The following NDUFAF6 variants were observed in gnomAD, a reference collection of about 807,000 sequenced individuals.
The protein encoded by NDUFAF6 is NADH:ubiquinone oxidoreductase complex assembly factor 6.
In NDUFAF6, 45 loss-of-function variants were observed where a neutral mutation model predicts 40.8. The ratio of observed to expected loss-of-function variants is 1.10; its 90% confidence interval spans 0.87 to 1.42. The LOEUF is 1.42. Ranked by LOEUF, NDUFAF6 falls within the 40% of genes most tolerant of loss-of-function variation. The pLI is 0.00. For synonymous variants in NDUFAF6, 185 were observed against 155.9 expected (o/e 1.19, Z -1.39); for missense variants, 435 against 418.5 (o/e 1.04, Z -0.34).
intron 1 of NDUFAF6, among the ~76,000 whole-genome samples, chr8:94,902,623 A>G (rs1818098410): frequency 6.6e-6 from 1 of 150,868 alleles, no homozygotes; most frequent in African/African-American, 2.4e-5. Context: ...TTTTTTAATT[A>G]TTAGCTATTG....
chr8:95,046,041 A>ATTTTTTTTTT (rs1276572622), intron 5 of NDUFAF6, among the ~76,000 whole-genome samples: 3 of 151,234 alleles, frequency 2.0e-5, no homozygotes, highest in African/African-American at 7.3e-5. Context: ...CATTTATTTT[A>ATTTTTTTTTT]TTTTATTTTA....
chr8:95,051,635 C>T (rs546265054), intron 7 of NDUFAF6, among the ~76,000 whole-genome samples: 2 of 151,916 alleles, frequency 1.3e-5, no homozygotes, highest in African/African-American at 4.8e-5. Flanking sequence ...GTTGGATGGA[C>T]GAGGTTAGAG....
At chr8:95,085,865 G>A (rs147079649) in intron 2 of NDUFAF6, among the ~76,000 whole-genome samples, 89 of 152,144 alleles carry the variant, frequency 5.8e-4, no homozygotes, top group African/African-American at 2.0e-3. Context: ...TTAGGGATGG[G>A]GCTTTATTAA....
At position 95,052,207 on chromosome 8, in the gene NDUFAF6, G is replaced by C; in HGVS notation, c.850G>C (p.Ala284Pro). Residue 284 changes from alanine to proline, a missense_variant, in exon 8 of 9, where the codon GCA becomes CCA. Transcript: ENST00000396124. Reference sequence around the variant, plus strand: ...CTTTCACAAAACTGTTCCTGTGAAAGCATTTCCTGCTTTTCTTCAGACGGT... The same window carrying C: ...CTTTCACAAAACTGTTCCTGTGAAACCATTTCCTGCTTTTCTTCAGACGGT... The part of the protein sequence containing the change: ...RSFHKTVPVK[A>P]FPAFLQTVSL... The C allele has an allele frequency of 6.2e-7, 1 of 1,614,090 alleles. No individual in the cohort carries two copies. The highest frequency in any genetic ancestry group is 1.1e-5 in the South Asian group (1 of 91,076).
At chr8:94,932,939 G>A (rs935138489) in intron 1 of NDUFAF6, among the ~76,000 whole-genome samples, 11 of 152,178 alleles carry the variant, frequency 7.2e-5, no homozygotes, top group African/African-American at 2.7e-4. Context: ...CATTCTGGCC[G>A]AGCACAATGG....
At chr8:95,054,264 T>G (rs1048151464) in intron 8 of NDUFAF6, among the ~76,000 whole-genome samples, 1 of 151,436 alleles carries the variant, frequency 6.6e-6, no homozygotes, top group Non-Finnish European at 1.5e-5. Context: ...GTTTTAATTG[T>G]GAGGTGTGGC....
At chr8:95,019,072 A>G (rs569631879) in intron 2 of NDUFAF6, among the ~76,000 whole-genome samples, 17 of 152,288 alleles carry the variant, frequency 1.1e-4, no homozygotes, top group African/African-American at 3.8e-4. Flanking sequence ...GTGCGATGGC[A>G]TGATCTTGGC....
At chr8:95,108,679 G>A (rs1236251164) in intron 4 of NDUFAF6, among the ~76,000 whole-genome samples, 2 of 152,120 alleles carry the variant, frequency 1.3e-5, no homozygotes, top group Non-Finnish European at 2.9e-5. Context: ...CCACTGAACT[G>A]TCCATTTAAC....
At chr8:95,045,444 A>T in intron 4 of NDUFAF6, 101 bp from the exon 5 acceptor site, 4 of 780,538 alleles carry the variant, frequency 5.1e-6, no homozygotes, top group Non-Finnish European at 6.7e-6. Context: ...TATACTGAAT[A>T]TTTTTATTCG....
intron 1 of NDUFAF6, among the ~76,000 whole-genome samples, chr8:94,909,382 A>AAAAC (rs1563700299): frequency 2.1e-4 from 12 of 58,082 alleles, no homozygotes; most frequent in African/African-American, 6.2e-4. Flanking sequence ...AAAAAAAAAA[A>AAAAC]CACTTCGGGA....
intron 9 of NDUFAF6, chr8:95,071,604 C>T (rs909444032): frequency 7.9e-5 from 12 of 152,208 alleles, no homozygotes; most frequent in African/African-American, 2.7e-4. Context: ...GGGACCTGCA[C>T]CCTGTTTAGT....
chr8:95,025,144 G>T lies in NDUFAF6; in HGVS notation c.136G>T (p.Val46Leu). The change falls in exon 1 of 9, where the codon GTG becomes TTG. Residue 46 changes from valine to leucine, a missense_variant. Physicochemically the swap from Val to Leu is conservative, Grantham distance 32 (BLOSUM62 1). Coordinates refer to ENST00000396124, the MANE Select transcript of NDUFAF6 (RefSeq NM_152416.4). ...CGGGCCGGAGGTGTCTGGGCGGAGC[G>T]TGGCTGCGGCCAGCGGACCGGGCGC... ...LPGPEVSGRS[V>L]AAASGPGAWG... The T allele has an allele frequency of 6.7e-7, 1 of 1,486,024 alleles. No individual in the cohort carries two copies. The highest frequency in any genetic ancestry group is 1.5e-5 in the African/African-American group (1 of 68,692). 92.1% of individuals were successfully genotyped at this position (1,486,024 alleles called of 1,614,324 possible).
downstream of NDUFAF6, among the ~76,000 whole-genome samples, chr8:95,063,252 GAT>G (rs1366627229): frequency 2.0e-5 from 3 of 152,184 alleles, no homozygotes; most frequent in Non-Finnish European, 2.9e-5. Context: ...TCAGATATGA[GAT>G]AGAATGTTTT....
At chr8:95,023,633 G>A (rs1827791371), upstream of NDUFAF6, among the ~76,000 whole-genome samples, 1 of 152,210 alleles carries the variant, frequency 6.6e-6, no homozygotes, top group South Asian at 2.1e-4. Flanking sequence ...GCTGCTGGCT[G>A]GGATCAGCTA....
Position 94,962,926 on chromosome 8 carries a change from G to C in NDUFAF6, c.-199+4747G>C, listed in dbSNP as rs548870566. Among the ~76,000 whole-genome samples the C allele has an allele frequency of 1.6e-4, 25 of 152,078 alleles. No homozygotes were observed. In the South Asian group the frequency reaches 5.0e-3, roughly 30 times the overall value. On this transcript the variant is annotated intron_variant, in intron 1 of 9. Transcript: ENST00000396111. The stretch of plus-strand genomic sequence containing the variant: ...CTGCCTCAGCCTCCTGAGTAGCTGG[G>C]ATTATAGGCACCCACCATCACGCCC...
chr8:94,937,406 A>G (rs1213076268), intron 1 of NDUFAF6, among the ~76,000 whole-genome samples: 2 of 148,864 alleles, frequency 1.3e-5, no homozygotes, highest in Non-Finnish European at 3.0e-5. Flanking sequence ...CTGCCACTGC[A>G]CTCCAGCCTG....
upstream of NDUFAF6, among the ~76,000 whole-genome samples, chr8:94,953,255 G>T (rs1485559512): frequency 1.3e-5 from 2 of 152,092 alleles, no homozygotes; most frequent in East Asian, 3.9e-4. Context: ...GCTGAGGCAG[G>T]AGAATCGCTT....
chr8:94,927,678 T>C (rs1820017325), intron 1 of NDUFAF6: 1 of 152,092 alleles, frequency 6.6e-6, no homozygotes. Flanking sequence ...AAGATATATA[T>C]TATAAAATGT....
chr8:95,080,799 T>C (rs115016937), downstream of NDUFAF6, among the ~76,000 whole-genome samples: 2,723 of 152,246 alleles, frequency 0.018, 78 homozygotes, highest in African/African-American at 0.062. Context: ...TGAGCCACTG[T>C]GCCCGGCCAA....
Sources: gnomAD v4.1 joint callset for allele counts (sites outside exome capture counted in the v4.1 genomes callset) on GRCh38, gnomAD v4.1.1 for gene constraint, MANE v1.5 for transcripts, NCBI Gene and HGNC (gene_info 2026-07-23, HGNC 2026-07-21) for gene names.